STAU2: variants seen among roughly 807,000 people sequenced by gnomAD.
STAU2 encodes the protein staufen double-stranded RNA binding protein 2.
STAU2 carries 20 observed loss-of-function variants against 65.9 expected under a neutral mutation model. The ratio of observed to expected loss-of-function variants is 0.30; its 90% CI spans 0.21 to 0.44. STAU2 has a LOEUF of 0.44. Among genes scored for constraint, STAU2 ranks in the 20% least tolerant of loss-of-function variants. STAU2 has a pLI of 1.00. For missense variants in STAU2, 558 were observed against 683.9 expected (o/e 0.82, Z 2.05); for synonymous variants, 232 against 233.9 (o/e 0.99, Z 0.07).
chr8:73,618,157 T>A (rs7004663), intron 6 of STAU2, among the ~76,000 whole-genome samples: 32,292 of 152,092 alleles, frequency 0.21, 3,817 homozygotes, highest in East Asian at 0.37. Context: ...CGTCTTCTAT[T>A]TGACAGGGGA....
chr8:73,422,654 T>C lies in STAU2; in HGVS notation c.1579A>G (p.Ile527Val), dbSNP rs114263344. ...TTTTCGATATTCATTGCTCCATCGA[T>C]TGGATCCAGTCCTTGTTCAGAAAAT... The part of the protein sequence containing the change: ...KQFSEQGLDP[I>V]DGAMNIEKGS... Residue 527 changes from isoleucine to valine, a missense_variant, in exon 14 of 15, where the codon ATC (isoleucine) becomes GTC (valine). Ile to Val is a conservative substitution (Grantham distance 29, BLOSUM62 3). Around this residue, in one of 3 missense-constraint regions of STAU2, gnomAD observed 247 missense variants for 270.1 expected, o/e 0.91. Coordinates refer to ENST00000524300, the MANE Select transcript of STAU2 (RefSeq NM_001164380.2). The C allele has an allele frequency of 4.0e-6, 6 of 1,513,268 alleles. No individual in the cohort carries two copies. The African/African-American group carries it at 4.2e-5, about 11-fold the overall frequency. 93.7% of individuals were successfully genotyped at this position (1,513,268 alleles called of 1,614,324 possible). A position where few individuals can be genotyped will look rare whatever the true frequency, so the allele number is the denominator to read the frequency against.
rs79741976 is a variant in STAU2, at chr8:73,596,113, T to TA, written c.1030-817dup. Among the ~76,000 whole-genome samples, 615 of 134,900 alleles carry TA rather than the reference T, an allele frequency of 4.6e-3. 2 individuals are homozygous for TA. Among genetic ancestry groups the TA allele is most frequent in the South Asian group, 0.011 (47 of 4,138 alleles). 88.5% of individuals were successfully genotyped at this position (134,900 alleles called of 152,430 possible). ...GGGCCACAGAGCAATACTCCATCTT[T>TA]AAAAAAAAAAAAAAAGGCTTCCAAG... On this transcript the variant is annotated intron_variant, in intron 10 of 14. Coordinates refer to ENST00000524300, the MANE Select transcript of STAU2 (RefSeq NM_001164380.2).
intron 5 of STAU2, among the ~76,000 whole-genome samples, chr8:73,684,389 G>A (rs1254106351): frequency 6.6e-6 from 1 of 152,040 alleles, no homozygotes; most frequent in Non-Finnish European, 1.5e-5. Flanking sequence ...AATGGTGCTG[G>A]GATAATTGGC....
At chr8:73,679,978 ATTTTTTTTTTTTTTTT>A (rs1160379353) in intron 5 of STAU2, among the ~76,000 whole-genome samples, 2 of 81,368 alleles carry the variant, frequency 2.5e-5, no homozygotes, top group African/African-American at 4.8e-5. Flanking sequence ...TAGGGAAGCC[ATTTTTTTTTTTTTTTT>A]TTTTTTTTTT....
chr8:73,611,292 C>T (rs4434612), intron 9 of STAU2, among the ~76,000 whole-genome samples: 129 of 152,264 alleles, frequency 8.5e-4, no homozygotes, highest in African/African-American at 3.1e-3. Flanking sequence ...CAGAGGGTAT[C>T]TACAAGCTTT....
chr8:73,645,306 G>A (rs1488327341), intron 6 of STAU2, among the ~76,000 whole-genome samples: 1 of 152,102 alleles, frequency 6.6e-6, no homozygotes, highest in Non-Finnish European at 1.5e-5. Flanking sequence ...TTCAATCAAT[G>A]TAATCTATCA....
intron 1 of STAU2, among the ~76,000 whole-genome samples, chr8:73,740,719 T>C (rs548260791): frequency 6.6e-6 from 1 of 152,282 alleles, no homozygotes; most frequent in Admixed American, 6.5e-5. Flanking sequence ...TTATCATTAC[T>C]GGTCGGGTGT....
At chr8:73,673,407 A>G (rs192292973) in intron 5 of STAU2, among the ~76,000 whole-genome samples, 165 bp from the exon 6 acceptor site, 1 of 152,282 alleles carries the variant, frequency 6.6e-6, no homozygotes, top group African/African-American at 2.4e-5. Context: ...AAAACCAAGA[A>G]AATAGTTCCT....
intron 13 of STAU2, among the ~76,000 whole-genome samples, chr8:73,508,627 C>T (rs552922834): frequency 1.3e-5 from 2 of 152,234 alleles, no homozygotes; most frequent in South Asian, 2.1e-4. Context: ...GATAGACGCT[C>T]GACATAGGGT....
intron 12 of STAU2, among the ~76,000 whole-genome samples, chr8:73,581,963 T>C (rs748966925): frequency 6.6e-6 from 1 of 152,174 alleles, no homozygotes; most frequent in African/African-American, 2.4e-5. Context: ...AGAAGATAGA[T>C]AGGGTTGGAA....
intron 1 of STAU2, among the ~76,000 whole-genome samples, chr8:73,743,969 A>C (rs1807095269): frequency 6.7e-6 from 1 of 149,978 alleles, no homozygotes; most frequent in Non-Finnish European, 1.5e-5. Flanking sequence ...ACGGGGTTTC[A>C]CCATGTTGGC....
intron 13 of STAU2, among the ~76,000 whole-genome samples, chr8:73,540,279 G>A (rs1016612988): frequency 2.6e-5 from 4 of 152,140 alleles, no homozygotes; most frequent in Admixed American, 6.5e-5. Context: ...CAAAGGAGAA[G>A]GCCATGTGAA....
At chr8:73,702,127 CA>C (rs1021693819) in intron 4 of STAU2, among the ~76,000 whole-genome samples, 4 of 149,626 alleles carry the variant, frequency 2.7e-5, no homozygotes, top group Admixed American at 6.6e-5. Flanking sequence ...TAATGGGTAC[CA>C]AAAAAAAATT....
chr8:73,720,473 T>C (rs1821565091), intron 3 of STAU2, among the ~76,000 whole-genome samples: 1 of 151,022 alleles, frequency 6.6e-6, no homozygotes, highest in Admixed American at 6.6e-5. Context: ...GTTGTATTGC[T>C]GTTGTCATTT....
intron 13 of STAU2, among the ~76,000 whole-genome samples, chr8:73,475,095 C>T (rs1820246048): frequency 6.6e-6 from 1 of 152,034 alleles, no homozygotes; most frequent in South Asian, 2.1e-4. Flanking sequence ...GGAGACAGAA[C>T]AGTGGTGACC....
At chr8:73,464,598 G>A (rs1436262751) in intron 13 of STAU2, among the ~76,000 whole-genome samples, 2 of 126,798 alleles carry the variant, frequency 1.6e-5, no homozygotes, top group Non-Finnish European at 3.2e-5. Flanking sequence ...ATGTGTGCAC[G>A]CGCACACACA....
intron 6 of STAU2, among the ~76,000 whole-genome samples, chr8:73,631,761 T>C (rs569662057): frequency 6.6e-6 from 1 of 152,192 alleles, no homozygotes; most frequent in South Asian, 2.1e-4. Flanking sequence ...TCCTTGTAAC[T>C]GAAGCCAAGA....
chr8:73,549,043 T>C (rs1807136775), intron 13 of STAU2, among the ~76,000 whole-genome samples: 1 of 152,138 alleles, frequency 6.6e-6, no homozygotes, highest in Non-Finnish European at 1.5e-5. Flanking sequence ...ATTTCAAGAG[T>C]GTCTTTTGCA....
Position 73,421,183 on chromosome 8 carries a change from G to A in STAU2, c.*189C>T. On this transcript the variant is annotated 3_prime_UTR_variant, in exon 15 of 15. Transcript: ENST00000524300. ...TCTGATCTCGAGTTCCAAGGGAAAT[G>A]CTCAAAGTTTTATTTTTCCCCAGTT... is the stretch of plus-strand genomic sequence containing the variant. 1 of 546,922 alleles carries A rather than the reference G, an allele frequency of 1.8e-6. No individual in the cohort carries two copies. The highest frequency in any genetic ancestry group is 3.2e-6 in the Non-Finnish European group (1 of 316,598). 33.9% of individuals were successfully genotyped at this position (546,922 alleles called of 1,614,324 possible).
Sources: gnomAD v4.1 joint callset for allele counts (sites outside exome capture counted in the v4.1 genomes callset) on GRCh38, gnomAD v4.1.1 for gene constraint, gnomAD v4.1.1 regional missense constraint, MANE v1.5 for transcripts, NCBI Gene and HGNC (gene_info 2026-07-23, HGNC 2026-07-21) for gene names.